Variants in ALDH1A2 observed in about 807,000 individuals in gnomAD.
ALDH1A2 encodes the protein retinal dehydrogenase 2.
In ALDH1A2, 27 loss-of-function variants were observed where a neutral mutation model predicts 60.3. That is an observed-to-expected ratio of 0.45 (90% CI 0.33 to 0.62). ALDH1A2 has a LOEUF of 0.62. Ranked by LOEUF, ALDH1A2 falls within the 20% of genes least tolerant of loss-of-function variation. ALDH1A2 has a pLI of 0.02. For synonymous variants in ALDH1A2, 289 were observed against 232.4 expected, an observed-to-expected ratio of 1.24 and a Z score of -2.21; for missense variants, 581 against 643.8, an observed-to-expected ratio of 0.90 and a Z score of 1.06.
intron 5 of ALDH1A2, among the ~76,000 whole-genome samples, chr15:57,993,300 C>T (rs1894955633): frequency 1.3e-5 from 2 of 152,166 alleles, no homozygotes; most frequent in African/African-American, 2.4e-5. Context: ...TCCAACTACC[C>T]ACCAAAAGAA....
At chr15:57,967,721 T>C (rs530745477) in intron 7 of ALDH1A2, among the ~76,000 whole-genome samples, 3 of 152,130 alleles carry the variant, frequency 2.0e-5, no homozygotes, top group Admixed American at 1.3e-4. Context: ...TACCAAGGTG[T>C]TGGAAAATGC....
At chr15:57,988,230 C>G (rs1394182697) in intron 7 of ALDH1A2, among the ~76,000 whole-genome samples, 3 of 152,130 alleles carry the variant, frequency 2.0e-5, no homozygotes, top group African/African-American at 7.2e-5. Context: ...TGTATGGTTA[C>G]CACACTGTAT....
chr15:58,019,832 G>A (rs1269787481), intron 1 of ALDH1A2, among the ~76,000 whole-genome samples: 1 of 152,144 alleles, frequency 6.6e-6, no homozygotes, highest in African/African-American at 2.4e-5. Flanking sequence ...TTTTTTAAAT[G>A]TTATTTAAGT....
intron 1 of ALDH1A2, among the ~76,000 whole-genome samples, chr15:58,043,779 C>T (rs188271101): frequency 1.3e-5 from 2 of 152,032 alleles, no homozygotes; most frequent in African/African-American, 4.8e-5. Flanking sequence ...ACACCAAGAT[C>T]ATACTTTAAC....
At chr15:58,023,204 A>G (rs918351050) in intron 1 of ALDH1A2, among the ~76,000 whole-genome samples, 1 of 152,216 alleles carries the variant, frequency 6.6e-6, no homozygotes, top group African/African-American at 2.4e-5. Context: ...AAAAAAATGC[A>G]TTTAAAATCT....
chr15:57,986,914 C>T (rs775848391), intron 7 of ALDH1A2, among the ~76,000 whole-genome samples: 1 of 152,064 alleles, frequency 6.6e-6, no homozygotes, highest in Non-Finnish European at 1.5e-5. Context: ...CTCAGCCTCC[C>T]AGAGTACTAG....
intron 12 of ALDH1A2, among the ~76,000 whole-genome samples, chr15:57,958,442 G>C (rs35385694): frequency 6.6e-6 from 1 of 152,166 alleles, no homozygotes; most frequent in African/African-American, 2.4e-5. Flanking sequence ...GAAATAGGTG[G>C]GCAGGAGGAC....
chr15:57,964,536 G>C (rs1156932542), intron 8 of ALDH1A2: 1 of 168,336 alleles, frequency 5.9e-6, no homozygotes, highest in Admixed American at 5.7e-5. Flanking sequence ...ATAGTGTAAT[G>C]TTTAGACAGG....
intron 1 of ALDH1A2, among the ~76,000 whole-genome samples, chr15:58,061,675 T>C (rs1289225755): frequency 6.9e-6 from 1 of 144,944 alleles, no homozygotes; most frequent in East Asian, 2.0e-4. Flanking sequence ...TTAGAAAAAG[T>C]GTATGGTGAT....
intron 4 of ALDH1A2, 149 bp from the exon 5 acceptor site, chr15:57,995,288 G>A: frequency 1.5e-6 from 1 of 669,896 alleles, no homozygotes; most frequent in African/African-American, 1.8e-5. Flanking sequence ...CATGAAAGCT[G>A]GTAGAAGCCT....
At chr15:58,018,798 C>T (rs1895848712) in intron 1 of ALDH1A2, among the ~76,000 whole-genome samples, 1 of 152,022 alleles carries the variant, frequency 6.6e-6, no homozygotes, top group Admixed American at 6.6e-5. Context: ...AAAGCATATT[C>T]CACAAAATAA....
At chr15:57,968,318 A>C (rs1893958603) in intron 7 of ALDH1A2, among the ~76,000 whole-genome samples, 2 of 152,256 alleles carry the variant, frequency 1.3e-5, no homozygotes, top group Non-Finnish European at 2.9e-5. Context: ...AGTAGGTTTT[A>C]TCTCATTTTA....
At chr15:57,991,004 G>T (rs1278108467) in intron 7 of ALDH1A2, among the ~76,000 whole-genome samples, 1 of 151,912 alleles carries the variant, frequency 6.6e-6, no homozygotes, top group Non-Finnish European at 1.5e-5. Flanking sequence ...CCAGTCTTTT[G>T]ATATAGAACC....
In ALDH1A2 at chr15:57,963,875, A is replaced by G. The variant is rs770042436; in HGVS notation, c.1086+10T>C. 6 of 1,613,976 alleles carry G rather than the reference A, an allele frequency of 3.7e-6. No individual in the cohort carries two copies. The highest frequency in any genetic ancestry group is 5.1e-6 in the Non-Finnish European group (6 of 1,179,950). The stretch of plus-strand genomic sequence containing the variant: ...TAAGTAAACAAAGGGAATGGTTATG[A>G]TTTTTCTACCTGGGGACCCTGCTCA... On this transcript the variant is annotated intron_variant, in intron 9 of 12. Transcript: ENST00000249750.
chr15:58,044,938 G>T (rs1260560929), intron 1 of ALDH1A2, among the ~76,000 whole-genome samples: 1 of 151,804 alleles, frequency 6.6e-6, no homozygotes, highest in Non-Finnish European at 1.5e-5. Context: ...GTAGAATCTC[G>T]GTATCCCAGA....
At chr15:57,996,454 T>C (rs1019265802) in intron 4 of ALDH1A2, among the ~76,000 whole-genome samples, 9 of 151,748 alleles carry the variant, frequency 5.9e-5, no homozygotes, top group African/African-American at 2.2e-4. Context: ...TCCTCTTTTT[T>C]TTTATACAAA....
At chr15:58,034,040 T>G (rs188931431) in intron 1 of ALDH1A2, among the ~76,000 whole-genome samples, 17 of 151,714 alleles carry the variant, frequency 1.1e-4, no homozygotes, top group African/African-American at 3.9e-4. Context: ...TACTAGGATT[T>G]TGATTGGGAT....
intron 4 of ALDH1A2, among the ~76,000 whole-genome samples, chr15:57,999,309 C>A (rs11636979): frequency 0.48 from 72,387 of 151,778 alleles, 17,706 homozygotes; most frequent in Non-Finnish European, 0.54. Flanking sequence ...CAAAGGTCTA[C>A]TATCCAGAAT....
chr15:57,980,680 C>T (rs1894468898), intron 7 of ALDH1A2: 1 of 174,408 alleles, frequency 5.7e-6, no homozygotes, highest in South Asian at 1.7e-4. Flanking sequence ...CCACACGGGA[C>T]AGGGGTGGAT....
Sources: gnomAD v4.1 joint callset for allele counts (sites outside exome capture counted in the v4.1 genomes callset) on GRCh38, gnomAD v4.1.1 for gene constraint, MANE v1.5 for transcripts, NCBI Gene and HGNC (gene_info 2026-07-23, HGNC 2026-07-21) for gene names.